Variants in NCKAP5 observed in about 807,000 individuals in gnomAD.
The protein encoded by NCKAP5 is nck-associated protein 5.
Under a neutral mutation model 167.0 loss-of-function variants are expected in NCKAP5, and 92 were observed. The ratio of observed to expected loss-of-function variants is 0.55; its 90% CI spans 0.47 to 0.66. The LOEUF is 0.66. Among genes scored for constraint, NCKAP5 ranks in the 30% least tolerant of loss-of-function variants. The pLI is 0.00. For missense variants in NCKAP5, 2,378 were observed against 2,315.0 expected (o/e 1.03, Z -0.56); for synonymous variants, 891 against 877.4 (o/e 1.02, Z -0.27).
chr2:132,689,312 C>T (rs1469355071), intron 19 of NCKAP5, among the ~76,000 whole-genome samples: 1 of 152,176 alleles, frequency 6.6e-6, no homozygotes, highest in Non-Finnish European at 1.5e-5. Context: ...CATGTACTCA[C>T]TAGTAAGAGT....
chr2:132,720,533 G>C (rs1689806254), intron 19 of NCKAP5, among the ~76,000 whole-genome samples: 1 of 152,200 alleles, frequency 6.6e-6, no homozygotes, highest in Non-Finnish European at 1.5e-5. Flanking sequence ...AGCCCACTCT[G>C]TTTTGAAGGG....
intron 6 of NCKAP5, among the ~76,000 whole-genome samples, chr2:133,017,972 T>C (rs537827048): frequency 2.6e-5 from 4 of 152,276 alleles, no homozygotes; most frequent in African/African-American, 7.2e-5. Context: ...GAAGAGTCTT[T>C]TCCAATCTTC....
chr2:132,687,744 CACACACACACA>C (rs1558922246), intron 19 of NCKAP5, among the ~76,000 whole-genome samples: 7 of 148,786 alleles, frequency 4.7e-5, no homozygotes, highest in African/African-American at 1.8e-4. Context: ...CACACACACA[CACACACACACA>C]CCCTTCCTCT....
rs112194971 is a variant in NCKAP5, at chr2:133,343,976, C to T, written c.70-40866G>A. On this transcript the variant is annotated intron_variant, in intron 3 of 19. Coordinates refer to ENST00000409261, the MANE Select transcript of NCKAP5 (RefSeq NM_207363.3). The stretch of plus-strand genomic sequence containing the variant: ...GGAGCAGTATGAGCCAGCCCCAGCT[C>T]ACCCTTGAATGTGATGTGAAGAAGC... Among the ~76,000 whole-genome samples the T allele has an allele frequency of 1.7e-3, 259 of 152,302 alleles. 3 individuals carry two copies. The highest frequency in any genetic ancestry group is 6.0e-3 in the African/African-American group (250 of 41,564).
At chr2:133,117,135 T>A (rs992561119) in intron 6 of NCKAP5, 14 of 152,192 alleles carry the variant, frequency 9.2e-5, no homozygotes, top group Non-Finnish European at 1.2e-4. Context: ...AGAGGACTGT[T>A]TTAAGAATTA....
chr2:133,178,504 C>CAAAAAAA lies in NCKAP5; in HGVS notation c.207+35205_207+35211dup, dbSNP rs869253241. Among the ~76,000 whole-genome samples the CAAAAAAA allele has an allele frequency of 6.3e-4, 15 of 23,952 alleles. 2 individuals carry two copies. Among genetic ancestry groups the CAAAAAAA allele is most frequent in the African/African-American group, 2.9e-3 (11 of 3,760 alleles). The allele number at this position is 23,952 out of a possible 152,430, so 15.7% of individuals were successfully genotyped here. Reference sequence around the variant, plus strand: ...TGGGTGACACAATGAGACCCTGTCTCAAAAAAAAAAAAAAAAAAAAAAAAA... The same window carrying CAAAAAAA: ...TGGGTGACACAATGAGACCCTGTCTCAAAAAAAAAAAAAAAAAAAAAAAAAAAAAAAA... On this transcript the variant is annotated intron_variant, in intron 5 of 19. Coordinates refer to ENST00000409261, the MANE Select transcript of NCKAP5 (RefSeq NM_207363.3).
intron 3 of NCKAP5, among the ~76,000 whole-genome samples, chr2:133,460,979 A>AT (rs1264539762): frequency 1.3e-5 from 2 of 152,152 alleles, no homozygotes; most frequent in South Asian, 2.1e-4. Flanking sequence ...TATTAAAATG[A>AT]TTTTTCTAAA....
rs560943978 is a variant in NCKAP5 at position 133,374,149 on chromosome 2, C to T, written c.70-71039G>A. ...GGTGAACGGATAAACTGTGGTACAT[C>T]CCAGACAATGGAATATTATTCAGCA... On this transcript the variant is annotated intron_variant, in intron 3 of 19. Transcript: ENST00000409261. Among the ~76,000 whole-genome samples, 3 of 152,268 alleles carry T rather than the reference C, an allele frequency of 2.0e-5. No homozygotes were observed. In the East Asian group the frequency reaches 5.8e-4, roughly 29 times the overall value.
intron 11 of NCKAP5, among the ~76,000 whole-genome samples, chr2:132,835,863 C>G (rs371499454): frequency 1.1e-4 from 17 of 152,276 alleles, no homozygotes; most frequent in African/African-American, 4.1e-4. Context: ...GGGGGCCTAC[C>G]TTCTACCCCC....
chr2:133,321,268 G>A (rs1682033530), intron 3 of NCKAP5, among the ~76,000 whole-genome samples: 1 of 152,188 alleles, frequency 6.6e-6, no homozygotes, highest in African/African-American at 2.4e-5. Context: ...ATTAGACTCA[G>A]TGCCCTTCAG....
intron 2 of NCKAP5, among the ~76,000 whole-genome samples, chr2:133,540,008 A>G (rs6737047): frequency 0.59 from 89,499 of 151,808 alleles, 27,928 homozygotes; most frequent in East Asian, 0.95. Context: ...GTGAAACCCC[A>G]TCTCTACTAA....
At chr2:133,225,248 C>G (rs932012146) in intron 4 of NCKAP5, among the ~76,000 whole-genome samples, 1 of 149,322 alleles carries the variant, frequency 6.7e-6, no homozygotes, top group East Asian at 2.0e-4. Flanking sequence ...GGAAAAAAAA[C>G]ATGCTAATCA....
chr2:133,343,587 T>C (rs1208545754), intron 3 of NCKAP5, among the ~76,000 whole-genome samples: 4 of 152,182 alleles, frequency 2.6e-5, no homozygotes, highest in African/African-American at 9.7e-5. Context: ...CTGAATTTCA[T>C]CCATCCATGC....
chr2:133,293,143 C>T (rs1679720775), intron 4 of NCKAP5, among the ~76,000 whole-genome samples: 1 of 152,098 alleles, frequency 6.6e-6, no homozygotes, highest in Non-Finnish European at 1.5e-5. Context: ...GTGGAATAAT[C>T]TTGATAAATG....
At chr2:133,543,527 C>A (rs1686400955) in intron 2 of NCKAP5, among the ~76,000 whole-genome samples, 1 of 152,246 alleles carries the variant, frequency 6.6e-6, no homozygotes, top group South Asian at 2.1e-4. Flanking sequence ...GCTTCACATC[C>A]AATAGTATTA....
chr2:132,715,699 A>G lies in NCKAP5; in HGVS notation c.5713+9928T>C, dbSNP rs116414148. On this transcript the variant is annotated intron_variant, in intron 19 of 19. Coordinates refer to ENST00000409261, the MANE Select transcript of NCKAP5 (RefSeq NM_207363.3). ...CAGACAGTCAGTGTCTCCCTAACAC[A>G]GTCTGACAAAGACACCGTGGAGGGA... Among the ~76,000 whole-genome samples, 1,097 of 152,316 alleles carry G rather than the reference A, an allele frequency of 7.2e-3. 18 individuals carry two copies. The highest frequency in any genetic ancestry group is 0.025 in the African/African-American group (1,034 of 41,574).
Position 132,821,592 on chromosome 2 carries a change from A to T in NCKAP5, c.808-24863T>A, listed in dbSNP as rs567681478. Among the ~76,000 whole-genome samples the T allele has an allele frequency of 1.4e-3, 212 of 152,248 alleles. 1 individual carries two copies. The highest frequency in any genetic ancestry group is 4.8e-3 in the African/African-American group (201 of 41,554). On this transcript the variant is annotated intron_variant, in intron 11 of 19. Transcript: ENST00000409261. The stretch of plus-strand genomic sequence containing the variant: ...GTGGATAGGAGTGAGCTAGCGAAGG[A>T]GCTACTGCGGACAGAGTGGACAGAC...
chr2:132,900,305 C>T (rs1217025878), intron 8 of NCKAP5, among the ~76,000 whole-genome samples: 5 of 152,050 alleles, frequency 3.3e-5, no homozygotes, highest in South Asian at 2.1e-4. Flanking sequence ...GCAGGGTTGC[C>T]GCAAACCCTC....
In NCKAP5 at chr2:132,781,980, A is replaced by G. The variant is rs878945774; in HGVS notation, c.4831T>C (p.Cys1611Arg). The G allele has an allele frequency of 3.1e-6, 5 of 1,613,572 alleles. No homozygotes were observed. In the South Asian group the frequency reaches 3.3e-5, roughly 11 times the overall value. ...EPRNRHSPVA[C>R]STKDTFMTEL... is the part of the protein sequence containing the mutation. ...GTCATGAAGGTGTCTTTCGTTGAACATGCAACAGGGCTGTGTCTATTCCTT... is the reference window on the plus strand; with the variant it reads ...GTCATGAAGGTGTCTTTCGTTGAACGTGCAACAGGGCTGTGTCTATTCCTT... Residue 1611 changes from cysteine (C) to arginine (R), a missense_variant, in exon 14 of 20, where the codon TGT becomes CGT. Cys to Arg is a radical substitution (Grantham distance 180). Transcript: ENST00000409261.
Sources: gnomAD v4.1 joint callset for allele counts (sites outside exome capture counted in the v4.1 genomes callset) on GRCh38, gnomAD v4.1.1 for gene constraint, MANE v1.5 for transcripts, NCBI Gene and HGNC (gene_info 2026-07-23, HGNC 2026-07-21) for gene names.